The following BLTP3A variants were observed in gnomAD, a reference collection of about 807,000 sequenced individuals.
The protein encoded by BLTP3A is ICBP90 binding protein 1.
chr6:34,827,654 GT>G, the BLTP3A span, among the ~76,000 whole-genome samples: 1 of 152,130 alleles, frequency 6.6e-6, no homozygotes, highest in Admixed American at 6.6e-5. Flanking sequence ...TTGAGATGAA[GT>G]TTTTCCGCTC....
chr6:34,834,571 TATGGATCC>T, the BLTP3A span: 2 of 1,339,830 alleles, frequency 1.5e-6, no homozygotes, highest in Non-Finnish European at 2.0e-6. Flanking sequence ...TTTCCTCAAT[TATGGATCC>T]CCAATTCACT....
the BLTP3A span, among the ~76,000 whole-genome samples, chr6:34,799,280 G>A: frequency 6.6e-6 from 1 of 152,126 alleles, no homozygotes; most frequent in African/African-American, 2.4e-5. Context: ...TTTCATACTT[G>A]CTTTGTAATC....
the BLTP3A span, among the ~76,000 whole-genome samples, chr6:34,799,377 C>T: frequency 6.6e-6 from 1 of 151,922 alleles, no homozygotes; most frequent in East Asian, 1.9e-4. Context: ...GTAGTCCCAG[C>T]TACTTGGGAG....
chr6:34,868,157 T>C, the BLTP3A span, among the ~76,000 whole-genome samples: 1 of 151,094 alleles, frequency 6.6e-6, no homozygotes, highest in Non-Finnish European at 1.5e-5. Context: ...AATATAAAAA[T>C]TAGCTGGGCG....
chr6:34,870,553 A>AT, the BLTP3A span, among the ~76,000 whole-genome samples: 1 of 152,174 alleles, frequency 6.6e-6, no homozygotes, highest in Non-Finnish European at 1.5e-5. Context: ...TTCCTTGGCC[A>AT]TTAGCCCACT....
chr6:34,864,999 AT>A, the BLTP3A span, among the ~76,000 whole-genome samples: 1 of 151,922 alleles, frequency 6.6e-6, no homozygotes, highest in African/African-American at 2.4e-5. Flanking sequence ...TTATTTATTT[AT>A]TTTATATTGA....
At chr6:34,814,774 T>C in the BLTP3A span, among the ~76,000 whole-genome samples, 2 of 152,324 alleles carry the variant, frequency 1.3e-5, no homozygotes, top group South Asian at 2.1e-4. Flanking sequence ...AGAAAGGTTT[T>C]TGATGGAGTT....
chr6:34,857,043 A>G, the BLTP3A span: 1 of 1,340,248 alleles, frequency 7.5e-7, no homozygotes, highest in Non-Finnish European at 1.0e-6. Flanking sequence ...CACTTCTGGG[A>G]AGATTAATAG....
chr6:34,798,590 C>CTTTTT, the BLTP3A span, among the ~76,000 whole-genome samples: 1 of 62,446 alleles, frequency 1.6e-5, no homozygotes, highest in African/African-American at 1.1e-4. Context: ...AATTTTCTTT[C>CTTTTT]TTTCTTTTTT....
At chr6:34,866,932 A>G in the BLTP3A span, among the ~76,000 whole-genome samples, 1 of 152,170 alleles carries the variant, frequency 6.6e-6, no homozygotes, top group East Asian at 1.9e-4. Flanking sequence ...TTAAGGCTGA[A>G]TAGTGTTCCA....
At chr6:34,812,003 G>A in the BLTP3A span, among the ~76,000 whole-genome samples, 1 of 151,890 alleles carries the variant, frequency 6.6e-6, no homozygotes, top group African/African-American at 2.4e-5. Flanking sequence ...CTCCAGCTTC[G>A]GTAACAGTGA....
At chr6:34,873,155 C>G in the BLTP3A span, 1 of 152,132 alleles carries the variant, frequency 6.6e-6, no homozygotes, top group Non-Finnish European at 1.5e-5. Context: ...TTTAATCTTT[C>G]CCCTCTATAA....
At chr6:34,793,774 CA>C in the BLTP3A span, among the ~76,000 whole-genome samples, 1 of 151,976 alleles carries the variant, frequency 6.6e-6, no homozygotes, top group African/African-American at 2.4e-5. Context: ...ATAACTTAAC[CA>C]GAGGAGAATT....
chr6:34,827,083 C>A, the BLTP3A span, among the ~76,000 whole-genome samples: 26 of 152,098 alleles, frequency 1.7e-4, no homozygotes, highest in Admixed American at 6.5e-4. Context: ...GAGGCCAAGG[C>A]GGGTGGATCA....
At chr6:34,808,346 C>CAAAAAAAAAAAAAAA in the BLTP3A span, among the ~76,000 whole-genome samples, 7 of 26,710 alleles carry the variant, frequency 2.6e-4, no homozygotes, top group Non-Finnish European at 4.6e-4. Flanking sequence ...AACTCCGTCT[C>CAAAAAAAAAAAAAAA]AAAAAAAAAA....
chr6:34,794,261 T>TGA, the BLTP3A span, among the ~76,000 whole-genome samples: 1 of 152,310 alleles, frequency 6.6e-6, no homozygotes, highest in African/African-American at 2.4e-5. Context: ...CATGATGTGT[T>TGA]GATTTCACAT....
At chr6:34,865,741 T>G in the BLTP3A span, among the ~76,000 whole-genome samples, 2 of 152,246 alleles carry the variant, frequency 1.3e-5, no homozygotes, top group African/African-American at 4.8e-5. Flanking sequence ...AGTGAGTTAA[T>G]ATTTCACTGT....
the BLTP3A span, among the ~76,000 whole-genome samples, chr6:34,845,052 A>G: frequency 1.3e-4 from 20 of 152,332 alleles, no homozygotes; most frequent in Admixed American, 2.0e-4. Flanking sequence ...ATAGGGGTCT[A>G]GTTTCATTCT....
chr6:34,837,892 ATTGT>A, the BLTP3A span, among the ~76,000 whole-genome samples: 1 of 151,982 alleles, frequency 6.6e-6, no homozygotes, highest in Non-Finnish European at 1.5e-5. Context: ...TTTTGGTTTG[ATTGT>A]TTGTTTAGAT....
Sources: gnomAD v4.1 joint callset for allele counts (sites outside exome capture counted in the v4.1 genomes callset) on GRCh38, gnomAD v4.1.1 for gene constraint, MANE v1.5 for transcripts, NCBI Gene and HGNC (gene_info 2026-07-23, HGNC 2026-07-21) for gene names.